The following CARD8 variants were observed in gnomAD, a reference collection of about 807,000 sequenced individuals.
CARD8 encodes the protein caspase recruitment domain family member 8.
CARD8 carries 38 observed loss-of-function variants against 53.2 expected under a neutral mutation model. The observed-to-expected ratio is 0.71, with a 90% CI of 0.55 to 0.94. The LOEUF is 0.94. Ranked by LOEUF, CARD8 falls within the 40% of genes least tolerant of loss-of-function variation. The pLI is 0.00. For synonymous variants in CARD8, 245 were observed against 244.9 expected (o/e 1.00, Z 0.00); for missense variants, 561 against 655.5 (o/e 0.86, Z 1.57).
Position 48,211,985 on chromosome 19 carries a change from A to T in CARD8, c.1349-10T>A. ...TTCACAAAGGCTGCACCTGGATGAA[A>T]GGGGGAGTTTCAGACTTTGAGAATC... On this transcript the variant is annotated splice_polypyrimidine_tract_variant and intron_variant, in intron 13 of 13. Transcript: ENST00000651546. 6.2e-7 allele frequency: 1 copy of T among 1,611,306 alleles called. No individual in the cohort carries two copies. The highest frequency in any genetic ancestry group is 1.7e-4 in the Middle Eastern group (1 of 6,044).
intron 5 of CARD8, among the ~76,000 whole-genome samples, chr19:48,235,409 C>T (rs1179671334): frequency 3.9e-5 from 6 of 152,224 alleles, no homozygotes; most frequent in East Asian, 3.9e-4. Context: ...AAAAGCCACA[C>T]GTGGCTCTTG....
At chr19:48,247,464 A>G (rs1315464706) in intron 3 of CARD8, among the ~76,000 whole-genome samples, 6 of 152,208 alleles carry the variant, frequency 3.9e-5, no homozygotes, top group Non-Finnish European at 7.3e-5. Context: ...TTCACTAAAA[A>G]CTGATACTGA....
At chr19:48,229,375 G>C (rs1023082829) in intron 10 of CARD8, among the ~76,000 whole-genome samples, 1 of 152,218 alleles carries the variant, frequency 6.6e-6, no homozygotes, top group Non-Finnish European at 1.5e-5. Context: ...GGTGGGCTCA[G>C]AATGAAAACA....
chr19:48,215,922 AT>A (rs1171597502), intron 12 of CARD8, among the ~76,000 whole-genome samples: 1 of 152,116 alleles, frequency 6.6e-6, no homozygotes, highest in East Asian at 1.9e-4. Context: ...GTTCAGATGA[AT>A]TTTGCAACAT....
chr19:48,219,152 A>C, intron 11 of CARD8, 140 bp from the exon 12 acceptor site: 1 of 705,362 alleles, frequency 1.4e-6, no homozygotes, highest in South Asian at 1.8e-5. Flanking sequence ...GGAGAGAGGT[A>C]AACAGCTCTT....
rs1463614731 is a variant in CARD8 at position 48,249,795 on chromosome 19, G to A, written c.-199C>T. 3 of 152,548 alleles carry A rather than the reference G, an allele frequency of 2.0e-5. No individual in the cohort carries two copies. The highest frequency in any genetic ancestry group is 7.2e-5 in the African/African-American group (3 of 41,450). 9.4% of individuals were successfully genotyped at this position (152,548 alleles called of 1,614,324 possible). Reference sequence around the variant, plus strand: ...CCAGGGTGCAGGAAGGAGGAGCGGAGGCTTGTTGCTTGGACACTGCCAGGC... The same window carrying A: ...CCAGGGTGCAGGAAGGAGGAGCGGAAGCTTGTTGCTTGGACACTGCCAGGC... On this transcript the variant is annotated 5_prime_UTR_variant, in exon 2 of 14. Transcript: ENST00000651546.
At chr19:48,219,321 G>C (rs10412481) in intron 11 of CARD8, among the ~76,000 whole-genome samples, 11,147 of 152,084 alleles carry the variant, frequency 0.073, 1,281 homozygotes, top group African/African-American at 0.25. Flanking sequence ...GATGCGACCA[G>C]CTCAGAATCC....
intron 6 of CARD8, chr19:48,233,680 C>A (rs1031456116): frequency 8.8e-6 from 2 of 227,464 alleles, no homozygotes; most frequent in Non-Finnish European, 1.8e-5. Context: ...CTGCAGACAG[C>A]GCATCCCAGA....
At chr19:48,232,319 G>A (rs1467055669) in intron 7 of CARD8, 134 bp downstream of exon 7, 3 of 799,150 alleles carry the variant, frequency 3.8e-6, no homozygotes, top group Non-Finnish European at 6.2e-6. Flanking sequence ...AAACTGCACA[G>A]TGCACTGTGG....
downstream of CARD8, among the ~76,000 whole-genome samples, chr19:48,205,090 T>G (rs936686741): frequency 6.6e-6 from 1 of 152,146 alleles, no homozygotes; most frequent in East Asian, 1.9e-4. Flanking sequence ...GTAATTGGGT[T>G]GTAGGAGGAG....
intron 10 of CARD8, among the ~76,000 whole-genome samples, chr19:48,224,211 C>T (rs1414367621): frequency 1.3e-5 from 2 of 152,172 alleles, no homozygotes; most frequent in Non-Finnish European, 2.9e-5. Flanking sequence ...CCGCCCACCT[C>T]GGCCTCCCAA....
intron 3 of CARD8, among the ~76,000 whole-genome samples, 192 bp from the exon 4 acceptor site, chr19:48,241,255 T>C (rs891512837): frequency 1.3e-5 from 2 of 151,942 alleles, no homozygotes; most frequent in African/African-American, 2.4e-5. Context: ...AAACAGAAAC[T>C]AGAAACTTCC....
At chr19:48,242,350 G>A (rs8106582) in intron 3 of CARD8, among the ~76,000 whole-genome samples, 3 of 151,430 alleles carry the variant, frequency 2.0e-5, no homozygotes, top group Non-Finnish European at 4.4e-5. Flanking sequence ...TGCCTTGATC[G>A]TGGACTTCCC....
At position 48,241,054 on chromosome 19, in the gene CARD8, C is replaced by CT; in HGVS notation, c.-35dup. On this transcript the variant is annotated 5_prime_UTR_variant, in exon 4 of 14. It removes the in-frame stop codon of an upstream open reading frame in the 5' UTR. Transcript: ENST00000651546. The stretch of plus-strand genomic sequence containing the variant: ...TGTGGTATTTATGTCTTTACTGTAT[C>CT]TTTTTTACCCTGAAAAAATAAAAGG... 5 of 1,484,080 alleles carry CT rather than the reference C, an allele frequency of 3.4e-6. No individual in the cohort carries two copies. The highest frequency in any genetic ancestry group is 4.5e-6 in the Non-Finnish European group (5 of 1,100,700). 91.9% of individuals were successfully genotyped at this position (1,484,080 alleles called of 1,614,324 possible).
At chr19:48,207,166 A>C (rs962496345), downstream of CARD8, among the ~76,000 whole-genome samples, 2 of 29,386 alleles carry the variant, frequency 6.8e-5, no homozygotes, top group African/African-American at 1.7e-4. Flanking sequence ...ACTCTGTCTC[A>C]AAAAAAAAAA....
intron 10 of CARD8, among the ~76,000 whole-genome samples, chr19:48,226,820 G>A (rs932371452): frequency 6.6e-6 from 1 of 151,940 alleles, no homozygotes; most frequent in Non-Finnish European, 1.5e-5. Flanking sequence ...GCTGGATGTG[G>A]GAAAGAAAAG....
intron 13 of CARD8, among the ~76,000 whole-genome samples, chr19:48,214,455 A>G (rs2038763680): frequency 6.6e-6 from 1 of 152,228 alleles, no homozygotes; most frequent in African/African-American, 2.4e-5. Flanking sequence ...AATGTGCATT[A>G]AGAGCAGAGT....
chr19:48,241,847 T>C (rs895913558), intron 3 of CARD8, among the ~76,000 whole-genome samples: 11 of 152,164 alleles, frequency 7.2e-5, no homozygotes, highest in Non-Finnish European at 1.6e-4. Context: ...GGATATATAG[T>C]TCACAAACCA....
At chr19:48,242,612 A>G (rs1338941624) in intron 3 of CARD8, 1 of 152,200 alleles carries the variant, frequency 6.6e-6, no homozygotes, top group East Asian at 1.9e-4. Flanking sequence ...CATTCAGCAG[A>G]CGATAGACAT....
Sources: allele counts gnomAD v4.1 joint callset (sites outside exome capture counted in the v4.1 genomes callset), GRCh38; gene constraint gnomAD v4.1.1; transcripts MANE v1.5; gene names NCBI Gene and HGNC (gene_info 2026-07-23, HGNC 2026-07-21).